Variants in ARPP19 observed in about 807,000 individuals in gnomAD.
ARPP19 encodes cAMP-regulated phosphoprotein 19.
In ARPP19, 8 loss-of-function variants were observed where a neutral mutation model predicts 12.0. The observed-to-expected ratio is 0.67, with a 90% CI of 0.39 to 1.21. The LOEUF is 1.21. Among genes scored for constraint, ARPP19 ranks in the 50% most tolerant of loss-of-function variants. The pLI is 0.01. For synonymous variants in ARPP19, 47 were observed against 50.4 expected (o/e 0.93, Z 0.29); for missense variants, 102 against 136.3 (o/e 0.75, Z 1.25).
At position 52,555,999 on chromosome 15, in the gene ARPP19, T is replaced by C. The variant is rs143134734; in HGVS notation, c.168+1101A>G. ...TTTTAGACATTAACTAACATTTTTG[T>C]AATAACTTCCCTACTTGATTATATA... On this transcript the variant is annotated intron_variant, in intron 2 of 2. Coordinates refer to ENST00000249822, the MANE Select transcript of ARPP19 (RefSeq NM_006628.6). Among the ~76,000 whole-genome samples, 62 of 152,222 alleles carry C rather than the reference T, an allele frequency of 4.1e-4. 1 individual carries two copies. The highest frequency in any genetic ancestry group is 1.3e-3 in the African/African-American group (52 of 41,578).
intron 1 of ARPP19, chr15:52,568,547 T>C (rs550004528): frequency 8.3e-6 from 3 of 361,842 alleles, no homozygotes; most frequent in African/African-American, 4.3e-5. Context: ...CAGAAAAACT[T>C]AGGCTCTACG....
Position 52,552,023 on chromosome 15 carries a change from T to A in ARPP19, c.250A>T (p.Lys84Ter). The change falls in exon 3 of 3, where the codon AAG becomes TAG. Residue 84 changes from lysine (K) to a stop codon, truncating the protein, a stop_gained. Coordinates refer to ENST00000249822, the MANE Select transcript of ARPP19 (RefSeq NM_006628.6). LOFTEE classifies it high-confidence loss of function. ...NKQLPTAAPDKTEVTGDHIPT... is the reference protein window; with the variant it reads ...NKQLPTAAPD ...ATGTGGTCACCAGTGACCTCCGTCT[T>A]ATCCGGAGCTGCAGTAGGAAGTTGC... The A allele has an allele frequency of 6.2e-7, 1 of 1,610,314 alleles. No individual in the cohort carries two copies. The highest frequency in any genetic ancestry group is 8.5e-7 in the Non-Finnish European group (1 of 1,176,476).
intron 2 of ARPP19, among the ~76,000 whole-genome samples, chr15:52,554,967 CTACT>C (rs2077968039): frequency 6.6e-6 from 1 of 151,938 alleles, no homozygotes; most frequent in Non-Finnish European, 1.5e-5. Context: ...AATTAAGAAG[CTACT>C]TAAAGATGCT....
chr15:52,569,143 G>A, upstream of ARPP19: 1 of 515,170 alleles, frequency 1.9e-6, no homozygotes, highest in Non-Finnish European at 3.4e-6. Context: ...GCTCGCTGTC[G>A]TCCAAACACT....
At chr15:52,552,836 G>A (rs11855752) in intron 2 of ARPP19, among the ~76,000 whole-genome samples, 15,122 of 152,124 alleles carry the variant, frequency 0.099, 838 homozygotes, top group Middle Eastern at 0.17. Context: ...TTGGGAGGCC[G>A]AGTTGGGTGG....
At chr15:52,556,962 A>C (rs1294191900) in intron 2 of ARPP19, 138 bp downstream of exon 2, 3 of 847,270 alleles carry the variant, frequency 3.5e-6, no homozygotes, top group Non-Finnish European at 5.3e-6. Flanking sequence ...TATTGGAAAA[A>C]CCCATTACAG....
At position 52,551,823 on chromosome 15, in the gene ARPP19, A is replaced by T. The variant is rs2077934246; in HGVS notation, c.*111T>A. Reference sequence around the variant, plus strand: ...AGCAGCACACACTACTGCTACCTGCAAAGCTGTCAGTCTCAAATGACTAGT... The same window carrying T: ...AGCAGCACACACTACTGCTACCTGCTAAGCTGTCAGTCTCAAATGACTAGT... On this transcript the variant is annotated 3_prime_UTR_variant, in exon 3 of 3. Transcript: ENST00000249822. 4 of 821,848 alleles carry T rather than the reference A, an allele frequency of 4.9e-6. No individual in the cohort carries two copies. The South Asian group carries it at 5.0e-5, about 10-fold the overall frequency. The allele number at this position is 821,848 out of a possible 1,614,324, so 50.9% of individuals were successfully genotyped here. A position where few individuals can be genotyped will look rare whatever the true frequency, so the allele number is the denominator to read the frequency against.
At chr15:52,559,502 C>T (rs570136466) in intron 1 of ARPP19, among the ~76,000 whole-genome samples, 5 of 152,308 alleles carry the variant, frequency 3.3e-5, no homozygotes, top group African/African-American at 1.2e-4. Flanking sequence ...ATAAAAGTGA[C>T]TACCTGCTCT....
Position 52,550,315 on chromosome 15 carries a change from C to T in ARPP19, c.*1619G>A, listed in dbSNP as rs1308731363. 6.6e-6 allele frequency: 1 copy of T among 152,156 alleles called. No individual in the cohort carries two copies. Among genetic ancestry groups the T allele is most frequent in the African/African-American group, 2.4e-5 (1 of 41,440 alleles). The allele number at this position is 152,156 out of a possible 1,614,324, so 9.4% of individuals were successfully genotyped here. A position where few individuals can be genotyped will look rare whatever the true frequency, so the allele number is the denominator to read the frequency against. On this transcript the variant is annotated 3_prime_UTR_variant, in exon 3 of 3. Transcript: ENST00000249822. ...AAGTGACATCTACAGAAGCAAACATCTAAACATTTTTAATAGGAGTTTTAC... is the reference window on the plus strand; with the variant it reads ...AAGTGACATCTACAGAAGCAAACATTTAAACATTTTTAATAGGAGTTTTAC...
chr15:52,565,087 CGCCATCAAAGCTCACTGTGGT>C (rs2078069325), intron 1 of ARPP19, among the ~76,000 whole-genome samples: 2 of 149,762 alleles, frequency 1.3e-5, no homozygotes, highest in South Asian at 4.3e-4. Context: ...CACCCAGTGG[CGCCATCAAAGCTCACTGTGGT>C]GCCATCAAAG....
intron 2 of ARPP19, 24 bp from the exon 3 acceptor site, chr15:52,552,128 T>C (rs2077938574): frequency 6.8e-7 from 1 of 1,462,636 alleles, no homozygotes; most frequent in Admixed American, 1.7e-5. Context: ...CAAAAAAAAT[T>C]CAGATTAGAG....
intron 1 of ARPP19, among the ~76,000 whole-genome samples, chr15:52,564,837 C>T (rs964929728): frequency 6.6e-6 from 1 of 152,088 alleles, no homozygotes; most frequent in Non-Finnish European, 1.5e-5. Context: ...TTACCATGGT[C>T]TATTCTTCTC....
rs536452383 is a variant in ARPP19 at position 52,549,920 on chromosome 15, T to G, written c.*2014A>C. ...ATGACCACAGCAGTGACTGTGTTGC[T>G]TTTCTGCCTTTTGGGGTGAGTAGAT... On this transcript the variant is annotated 3_prime_UTR_variant, in exon 3 of 3. Coordinates refer to ENST00000249822, the MANE Select transcript of ARPP19 (RefSeq NM_006628.6). The G allele has an allele frequency of 1.3e-5, 2 of 152,788 alleles. No individual in the cohort carries two copies. The highest frequency in any genetic ancestry group is 4.1e-4 in the South Asian group (2 of 4,834). The allele number at this position is 152,788 out of a possible 1,614,324, so 9.5% of individuals were successfully genotyped here.
intron 1 of ARPP19, among the ~76,000 whole-genome samples, chr15:52,558,470 GAAAA>G (rs143549178): frequency 2.0e-4 from 13 of 63,916 alleles, no homozygotes; most frequent in Non-Finnish European, 4.1e-4. Flanking sequence ...AAACAAAACA[GAAAA>G]AAAAAAAAAA....
intron 2 of ARPP19, among the ~76,000 whole-genome samples, chr15:52,554,990 T>C (rs1347036478): frequency 6.6e-6 from 1 of 152,066 alleles, no homozygotes; most frequent in Non-Finnish European, 1.5e-5. Context: ...CTAAGGTAAT[T>C]TGTCAAGTTT....
At position 52,550,613 on chromosome 15, in the gene ARPP19, T is replaced by A; in HGVS notation, c.*1321A>T. On this transcript the variant is annotated 3_prime_UTR_variant, in exon 3 of 3. Transcript: ENST00000249822. Reference sequence around the variant, plus strand: ...GCTCAGGTGACAGAGCAAGGCCCTATCCTAAAAAAAAAAGAGAAAGAAGTT... The same window carrying A: ...GCTCAGGTGACAGAGCAAGGCCCTAACCTAAAAAAAAAAGAGAAAGAAGTT... The A allele has an allele frequency of 6.6e-6, 1 of 150,786 alleles. No homozygotes were observed. The allele number at this position is 150,786 out of a possible 1,614,324, so 9.3% of individuals were successfully genotyped here.
At chr15:52,552,222 T>C in intron 2 of ARPP19, 118 bp from the exon 3 acceptor site, 1 of 640,186 alleles carries the variant, frequency 1.6e-6, no homozygotes, top group Non-Finnish European at 2.8e-6. Context: ...ACAGGAATAT[T>C]AATTAGATGA....
chr15:52,554,424 A>G (rs762747605), intron 2 of ARPP19, among the ~76,000 whole-genome samples: 4 of 130,302 alleles, frequency 3.1e-5, no homozygotes, highest in Non-Finnish European at 4.9e-5. Context: ...CAGAGAAAGA[A>G]GCTAATGCTT....
intron 1 of ARPP19, among the ~76,000 whole-genome samples, chr15:52,561,405 C>T (rs2078031154): frequency 6.6e-6 from 1 of 152,066 alleles, no homozygotes; most frequent in South Asian, 2.1e-4. Flanking sequence ...TATACATACA[C>T]ATATACTGAT....
Sources: gnomAD v4.1 joint callset for allele counts (sites outside exome capture counted in the v4.1 genomes callset) on GRCh38, gnomAD v4.1.1 for gene constraint, MANE v1.5 for transcripts, NCBI Gene and HGNC (gene_info 2026-07-23, HGNC 2026-07-21) for gene names.